Variants in TOP1MT observed in about 807,000 individuals in gnomAD.
TOP1MT encodes DNA topoisomerase I mitochondrial, also known as DNA topoisomerase I, mitochondrial.
A neutral mutation model predicts 73.9 loss-of-function variants in TOP1MT; 80 were observed. The ratio of observed to expected loss-of-function variants is 1.08; its 90% CI spans 0.90 to 1.30. TOP1MT has a LOEUF of 1.30. Ranked by LOEUF, TOP1MT falls within the 50% of genes most tolerant of loss-of-function variation. The pLI, the probability that TOP1MT is intolerant of heterozygous loss-of-function variation, is 0.00. For missense variants in TOP1MT, 815 were observed against 808.0 expected (o/e 1.01, Z -0.10); for synonymous variants, 338 against 326.4 (o/e 1.04, Z -0.38).
intron 7 of TOP1MT, among the ~76,000 whole-genome samples, chr8:143,322,612 GCATGCCACACAGGCACGTCACACACA>G (rs1816493988): frequency 9.5e-6 from 1 of 104,748 alleles, no homozygotes; most frequent in Non-Finnish European, 1.8e-5. Context: ...CCACACACAT[GCATGCCACACAGGCACGTCACACACA>G]CACGCCACAC....
intron 1 of TOP1MT, chr8:143,343,566 G>A: frequency 3.7e-6 from 1 of 268,298 alleles, no homozygotes. Flanking sequence ...CGGGAAGAGT[G>A]GGCAGGCAGT....
At chr8:143,323,133 G>A (rs1816565297) in intron 7 of TOP1MT, among the ~76,000 whole-genome samples, 1 of 97,154 alleles carries the variant, frequency 1.0e-5, no homozygotes. Flanking sequence ...ACACACACAG[G>A]CACACCACAC....
rs1816160818 is a variant in TOP1MT at position 143,316,278 on chromosome 8, A to T, written c.1331-152T>A. 3 of 1,272,496 alleles carry T rather than the reference A, an allele frequency of 2.4e-6. No individual in the cohort carries two copies. The African/African-American group carries it at 4.4e-5, about 19-fold the overall frequency. 78.8% of individuals were successfully genotyped at this position (1,272,496 alleles called of 1,614,324 possible). A position where few individuals can be genotyped will look rare whatever the true frequency, so the allele number is the denominator to read the frequency against. The stretch of plus-strand genomic sequence containing the variant: ...GGAGAGTGAGGGCCAAGGGTCAGTG[A>T]CCCTCCAAGGTGGCCTCGAGAGCAG... On this transcript the variant is annotated intron_variant, in intron 10 of 13. Transcript: ENST00000329245.
At chr8:143,345,186 C>G (rs781032410), upstream of TOP1MT, among the ~76,000 whole-genome samples, 1 of 152,314 alleles carries the variant, frequency 6.6e-6, no homozygotes, top group African/African-American at 2.4e-5. Context: ...GACACAGACA[C>G]GTACCACACT....
chr8:143,322,579 C>T (rs1300182610), intron 7 of TOP1MT, among the ~76,000 whole-genome samples: 1 of 137,496 alleles, frequency 7.3e-6, no homozygotes, highest in Non-Finnish European at 1.5e-5. Context: ...ACGCCACACA[C>T]ATGCACGCCA....
chr8:143,346,754 A>C (rs1817227290), upstream of TOP1MT, among the ~76,000 whole-genome samples: 1 of 152,194 alleles, frequency 6.6e-6, no homozygotes, highest in Non-Finnish European at 1.5e-5. Context: ...AAAATCAAGA[A>C]GCTGCATCTG....
intron 7 of TOP1MT, among the ~76,000 whole-genome samples, chr8:143,322,411 A>C (rs1816467902): frequency 8.5e-6 from 1 of 116,964 alleles, no homozygotes; most frequent in Non-Finnish European, 1.7e-5. Context: ...CTCACCACAC[A>C]CGCACGCCAC....
chr8:143,359,011 TTTG>T (rs1168676675), upstream of TOP1MT, among the ~76,000 whole-genome samples: 223 of 150,116 alleles, frequency 1.5e-3, 2 homozygotes, highest in African/African-American at 5.6e-3. Flanking sequence ...TTTTCTGTTT[TTTG>T]GTTTTTTTTT....
At chr8:143,332,173 C>G (rs1252152382) in intron 1 of TOP1MT, among the ~76,000 whole-genome samples, 1 of 152,242 alleles carries the variant, frequency 6.6e-6, no homozygotes, top group South Asian at 2.1e-4. Context: ...TGCCCTGAAC[C>G]AGCACTGCGC....
In TOP1MT at chr8:143,332,569, T is replaced by C. The variant is rs181168043; in HGVS notation, c.123-1230A>G. The C allele has an allele frequency of 6.2e-6, 8 of 1,289,206 alleles. No homozygotes were observed. In the African/African-American group the frequency reaches 1.1e-4, roughly 17 times the overall value. 79.9% of individuals were successfully genotyped at this position (1,289,206 alleles called of 1,614,324 possible). A position where few individuals can be genotyped will look rare whatever the true frequency, so the allele number is the denominator to read the frequency against. ...GGTGGGCCTGGTCGGCTGGGATGAG[T>C]GTCCTCAGAGCAACAGGAAGTCTCT... On this transcript the variant is annotated intron_variant, in intron 1 of 13. Transcript: ENST00000329245.
chr8:143,334,786 G>T lies in TOP1MT; in HGVS notation c.76C>A (p.Arg26=). Residue 26 remains arginine, a synonymous_variant, in exon 1 of 14, where the codon CGG becomes AGG. Transcript: ENST00000329245. ...LGEVPRRPAS[R]GVPGSRRTQK... ...GTCCTGCGCGAGCCCGGGACACCCC[G>T]GGAGGCCGGGCGGCGGGGGACCTCC... 1 of 1,588,678 alleles carries T rather than the reference G, an allele frequency of 6.3e-7. No individual in the cohort carries two copies. The highest frequency in any genetic ancestry group is 1.1e-5 in the South Asian group (1 of 90,110).
At chr8:143,355,148 G>T (rs1016823763) in intron 1 of TOP1MT, among the ~76,000 whole-genome samples, 2 of 152,212 alleles carry the variant, frequency 1.3e-5, no homozygotes, top group Non-Finnish European at 2.9e-5. Flanking sequence ...CACAACCGGG[G>T]ATGACCCAGC....
At chr8:143,322,528 G>A (rs1332482277) in intron 7 of TOP1MT, among the ~76,000 whole-genome samples, 1 of 91,174 alleles carries the variant, frequency 1.1e-5, no homozygotes, top group Non-Finnish European at 2.0e-5. Flanking sequence ...CAACAGGCAC[G>A]CCAAAGATGC....
intron 7 of TOP1MT, 71 bp downstream of exon 7, chr8:143,323,928 A>T: frequency 6.3e-7 from 1 of 1,580,936 alleles, no homozygotes; most frequent in African/African-American, 1.3e-5. Flanking sequence ...GCCACACTGC[A>T]CCATCCAACT....
rs1388565713 is a variant in TOP1MT at position 143,322,446 on chromosome 8, A to ACACACAGGCATGC, written c.961-1073_961-1061dup. Among the ~76,000 whole-genome samples, 48 of 114,468 alleles carry ACACACAGGCATGC rather than the reference A, an allele frequency of 4.2e-4. 1 individual carries two copies. The highest frequency in any genetic ancestry group is 2.9e-4 in the South Asian group (1 of 3,414). 75.1% of individuals were successfully genotyped at this position (114,468 alleles called of 152,430 possible). The stretch of plus-strand genomic sequence containing the variant: ...CACACATGCACACCACACGCACGCC[A>ACACACAGGCATGC]CACACAGGCATGCCACACAGGCACG... On this transcript the variant is annotated intron_variant, in intron 7 of 13. Coordinates refer to ENST00000329245, the MANE Select transcript of TOP1MT (RefSeq NM_052963.3).
intron 2 of TOP1MT, chr8:143,343,058 G>T: frequency 2.4e-6 from 1 of 408,632 alleles, no homozygotes; most frequent in South Asian, 1.8e-5. Flanking sequence ...ACCACGCCTG[G>T]CCTGCTAACT....
intron 7 of TOP1MT, among the ~76,000 whole-genome samples, 190 bp downstream of exon 7, chr8:143,323,809 A>G (rs540896197): frequency 7.2e-5 from 11 of 151,736 alleles, no homozygotes; most frequent in African/African-American, 2.7e-4. Context: ...CACACACACC[A>G]CACAATGCAC....
At chr8:143,314,511 T>C (rs2129894107) in intron 12 of TOP1MT, among the ~76,000 whole-genome samples, 1 of 151,152 alleles carries the variant, frequency 6.6e-6, no homozygotes, top group South Asian at 2.1e-4. Context: ...GGAGAATCAC[T>C]TGAACCCGGG....
At chr8:143,353,132 G>A (rs953379872) in intron 1 of TOP1MT, among the ~76,000 whole-genome samples, 1 of 152,088 alleles carries the variant, frequency 6.6e-6, no homozygotes, top group Non-Finnish European at 1.5e-5. Context: ...ACCAGGTAAA[G>A]GGCCAGGCGG....
Sources: gnomAD v4.1 joint callset for allele counts (sites outside exome capture counted in the v4.1 genomes callset) on GRCh38, gnomAD v4.1.1 for gene constraint, MANE v1.5 for transcripts, NCBI Gene and HGNC (gene_info 2026-07-23, HGNC 2026-07-21) for gene names.